The following SEMA5A variants were observed in gnomAD, a reference collection of about 807,000 sequenced individuals.
SEMA5A encodes the protein semaphorin-5A.
In SEMA5A, 55 loss-of-function variants were observed where a neutral mutation model predicts 135.5. The observed-to-expected ratio is 0.41, with a 90% CI of 0.33 to 0.51. SEMA5A has a LOEUF of 0.51. Ranked by LOEUF, SEMA5A falls within the 20% of genes least tolerant of loss-of-function variation. The pLI, the probability that SEMA5A is intolerant of heterozygous loss-of-function variation, is 0.37. For synonymous variants in SEMA5A, 580 were observed against 546.5 expected (o/e 1.06, Z -0.85); for missense variants, 1,290 against 1,419.9 (o/e 0.91, Z 1.47).
intron 1 of SEMA5A, among the ~76,000 whole-genome samples, chr5:9,496,427 A>G (rs1735306615): frequency 6.6e-6 from 1 of 152,250 alleles, no homozygotes; most frequent in African/African-American, 2.4e-5. Context: ...TGCATTTCAG[A>G]TGAAGCTTAA....
intron 3 of SEMA5A, among the ~76,000 whole-genome samples, chr5:9,338,849 C>T (rs539018449): frequency 1.2e-4 from 19 of 152,174 alleles, no homozygotes; most frequent in South Asian, 2.1e-4. Context: ...GCCCCCATTC[C>T]GTCTCATATC....
At chr5:9,492,850 C>T (rs1368500425) in intron 1 of SEMA5A, among the ~76,000 whole-genome samples, 1 of 151,958 alleles carries the variant, frequency 6.6e-6, no homozygotes, top group African/African-American at 2.4e-5. Context: ...TTGGTGGTTG[C>T]CAGGGGCTGA....
intron 12 of SEMA5A, among the ~76,000 whole-genome samples, chr5:9,141,738 T>G (rs1020585509): frequency 1.3e-5 from 2 of 152,180 alleles, no homozygotes; most frequent in Non-Finnish European, 2.9e-5. Context: ...CGTTTTTTGT[T>G]AGTTGGAGTA....
chr5:9,254,045 T>A lies in SEMA5A; in HGVS notation c.271-16155A>T, dbSNP rs545050554. On this transcript the variant is annotated intron_variant, in intron 5 of 22. Coordinates refer to ENST00000382496, the MANE Select transcript of SEMA5A (RefSeq NM_003966.3). ...AAATAGAAATAGAAACATTATCAAC[T>A]ATATAAAATCACTTGATTGGTTCTC... is the stretch of plus-strand genomic sequence containing the variant. 2.6e-5 allele frequency among the ~76,000 whole-genome samples: 4 copies of A among 152,286 alleles called. No homozygotes were observed. In the East Asian group the frequency reaches 7.7e-4, roughly 29 times the overall value.
chr5:9,098,237 C>CAATA (rs3063984), intron 16 of SEMA5A, among the ~76,000 whole-genome samples: 51,721 of 140,096 alleles, frequency 0.37, 10,956 homozygotes, highest in African/African-American at 0.58. Context: ...GACTCTGTCT[C>CAATA]AATAAATAAA....
At chr5:9,252,605 G>A (rs559691322) in intron 5 of SEMA5A, among the ~76,000 whole-genome samples, 5 of 152,264 alleles carry the variant, frequency 3.3e-5, no homozygotes, top group Middle Eastern at 3.4e-3. Flanking sequence ...ACTATCCCAT[G>A]GAGACATTAT....
At chr5:9,418,775 A>G (rs1479091722) in intron 2 of SEMA5A, among the ~76,000 whole-genome samples, 1 of 152,234 alleles carries the variant, frequency 6.6e-6, no homozygotes, top group Admixed American at 6.5e-5. Context: ...TGAGACAGAT[A>G]GAATGTATCC....
chr5:9,114,198 C>A (rs1455495132), intron 15 of SEMA5A, among the ~76,000 whole-genome samples: 1 of 152,106 alleles, frequency 6.6e-6, no homozygotes, highest in East Asian at 1.9e-4. Context: ...AAGCCAGACA[C>A]AAAATGGCAA....
At chr5:9,179,998 C>T (rs1744414046) in intron 11 of SEMA5A, among the ~76,000 whole-genome samples, 1 of 152,190 alleles carries the variant, frequency 6.6e-6, no homozygotes, top group Non-Finnish European at 1.5e-5. Flanking sequence ...GAATTCTTGT[C>T]TCGTGCTAGT....
At chr5:9,510,135 A>G (rs890729854) in intron 1 of SEMA5A, among the ~76,000 whole-genome samples, 1 of 152,200 alleles carries the variant, frequency 6.6e-6, no homozygotes, top group African/African-American at 2.4e-5. Context: ...ATTGAAAGCC[A>G]TGCCATTTTA....
chr5:9,077,126 T>A (rs1420508081), intron 16 of SEMA5A, among the ~76,000 whole-genome samples: 2 of 152,130 alleles, frequency 1.3e-5, no homozygotes, highest in African/African-American at 4.8e-5. Flanking sequence ...CATCCAATCC[T>A]CTGCAAAACA....
chr5:9,428,252 T>C (rs2126649098), intron 2 of SEMA5A, among the ~76,000 whole-genome samples: 1 of 152,178 alleles, frequency 6.6e-6, no homozygotes, highest in Non-Finnish European at 1.5e-5. Context: ...CCTCTGGACA[T>C]GTACATCCAG....
intron 2 of SEMA5A, among the ~76,000 whole-genome samples, chr5:9,390,721 T>C (rs115167076): frequency 0.01 from 1,569 of 151,272 alleles, 28 homozygotes; most frequent in African/African-American, 0.035. Flanking sequence ...CTAATCACCA[T>C]TTTTGGTGAG....
intron 1 of SEMA5A, among the ~76,000 whole-genome samples, chr5:9,467,370 C>T (rs1038617414): frequency 3.3e-5 from 5 of 152,126 alleles, no homozygotes; most frequent in Non-Finnish European, 7.4e-5. Context: ...CCTCAGCCTC[C>T]CAAAGTGCTG....
intron 2 of SEMA5A, among the ~76,000 whole-genome samples, chr5:9,393,891 T>C (rs1412928780): frequency 6.6e-6 from 1 of 152,106 alleles, no homozygotes; most frequent in African/African-American, 2.4e-5. Flanking sequence ...CAGGTGTCCA[T>C]TGAGAGAATG....
intron 12 of SEMA5A, among the ~76,000 whole-genome samples, chr5:9,148,935 G>T (rs1742484864): frequency 6.6e-6 from 1 of 152,120 alleles, no homozygotes; most frequent in African/African-American, 2.4e-5. Context: ...GGCCAGGCTG[G>T]TCTTGAACTC....
chr5:9,184,712 A>G (rs1579562919), intron 11 of SEMA5A, among the ~76,000 whole-genome samples: 2 of 151,820 alleles, frequency 1.3e-5, no homozygotes, highest in South Asian at 4.2e-4. Flanking sequence ...TTTTCATCTC[A>G]TTTTGTTTCT....
intron 5 of SEMA5A, among the ~76,000 whole-genome samples, chr5:9,262,961 AT>A (rs200724397): frequency 0.012 from 1,709 of 145,672 alleles, 31 homozygotes; most frequent in African/African-American, 0.033. Flanking sequence ...TTTCGAAAAA[AT>A]AAAAATAAAA....
chr5:9,203,986 G>C (rs1745870025), intron 8 of SEMA5A, among the ~76,000 whole-genome samples: 1 of 151,850 alleles, frequency 6.6e-6, no homozygotes, highest in Admixed American at 6.6e-5. Context: ...TGGGTGGGGG[G>C]GTGTTAAGTC....
Sources: allele counts gnomAD v4.1 joint callset (sites outside exome capture counted in the v4.1 genomes callset), GRCh38; gene constraint gnomAD v4.1.1; transcripts MANE v1.5; gene names NCBI Gene and HGNC (gene_info 2026-07-23, HGNC 2026-07-21).